Variants in ADCY8 observed in about 807,000 individuals in gnomAD.
The protein encoded by ADCY8 is adenylate cyclase 8.
ADCY8 carries 51 observed loss-of-function variants against 119.7 expected under a neutral mutation model. The ratio of observed to expected loss-of-function variants is 0.43; its 90% CI spans 0.34 to 0.54. The LOEUF is 0.54. Among genes scored for constraint, ADCY8 ranks in the 20% least tolerant of loss-of-function variants. The pLI is 0.03. For missense variants in ADCY8, 1,383 were observed against 1,598.8 expected (o/e 0.87, Z 2.30); for synonymous variants, 665 against 651.0 (o/e 1.02, Z -0.33).
chr8:130,979,272 T>A (rs1367247283), intron 2 of ADCY8, among the ~76,000 whole-genome samples: 1 of 152,174 alleles, frequency 6.6e-6, no homozygotes, highest in Non-Finnish European at 1.5e-5. Flanking sequence ...CATGGGCTAC[T>A]GGGTCTTTTC....
chr8:130,833,442 C>T (rs1816898148), intron 12 of ADCY8, among the ~76,000 whole-genome samples: 1 of 152,190 alleles, frequency 6.6e-6, no homozygotes, highest in East Asian at 1.9e-4. Flanking sequence ...CTGCAATGAA[C>T]ATGAGAGAGC....
intron 8 of ADCY8, among the ~76,000 whole-genome samples, chr8:130,877,924 G>A (rs7842798): frequency 0.58 from 87,605 of 151,934 alleles, 25,795 homozygotes; most frequent in African/African-American, 0.7. Flanking sequence ...GATACAAGAC[G>A]CATTAAGATT....
intron 5 of ADCY8, among the ~76,000 whole-genome samples, chr8:130,922,381 G>A (rs915230908): frequency 6.6e-6 from 1 of 151,368 alleles, no homozygotes; most frequent in Non-Finnish European, 1.5e-5. Flanking sequence ...TGTGTCCCTG[G>A]GTACTTGAGA....
At chr8:130,983,527 C>T (rs920277942) in intron 2 of ADCY8, among the ~76,000 whole-genome samples, 39 of 152,202 alleles carry the variant, frequency 2.6e-4, no homozygotes, top group African/African-American at 9.2e-4. Flanking sequence ...AAGGCATAGA[C>T]GTGCGGGGCA....
chr8:130,780,861 T>G lies in ADCY8; in HGVS notation c.3285A>C (p.Ser1095=), dbSNP rs1263145908. ...TAGCGCCGATAACGCCAGCTACCAC[T>G]GAGCCGTGGCTGATGCCTGGGGGGT... ...FELRIGISHG[S]VVAGVIGAKK... Residue 1095 remains serine, a synonymous_variant, in exon 18 of 18, where the codon TCA becomes TCC. Coordinates refer to ENST00000286355, the MANE Select transcript of ADCY8 (RefSeq NM_001115.3). 6.2e-7 allele frequency: 1 copy of G among 1,613,778 alleles called. No homozygotes were observed. Among genetic ancestry groups the G allele is most frequent in the South Asian group, 1.1e-5 (1 of 91,056 alleles).
intron 5 of ADCY8, among the ~76,000 whole-genome samples, chr8:130,931,182 T>C (rs1312720051): frequency 6.6e-6 from 1 of 152,170 alleles, no homozygotes; most frequent in Non-Finnish European, 1.5e-5. Flanking sequence ...CTCCCTTCAT[T>C]TCTAAAGGAC....
chr8:130,905,952 C>T (rs572317377), intron 6 of ADCY8, among the ~76,000 whole-genome samples: 1 of 152,218 alleles, frequency 6.6e-6, no homozygotes, highest in African/African-American at 2.4e-5. Context: ...ACCCATTCTG[C>T]TAAATCCCTC....
At chr8:130,831,781 A>G (rs926868348) in intron 12 of ADCY8, among the ~76,000 whole-genome samples, 2 of 152,170 alleles carry the variant, frequency 1.3e-5, no homozygotes, top group African/African-American at 4.8e-5. Context: ...GGGAATTGAG[A>G]GTGGAGTTTA....
chr8:130,861,758 TG>T (rs1363815454), intron 9 of ADCY8, among the ~76,000 whole-genome samples: 2 of 151,982 alleles, frequency 1.3e-5, no homozygotes, highest in Non-Finnish European at 2.9e-5. Flanking sequence ...TTTCTGATAT[TG>T]GGGGGAAGCT....
At chr8:130,873,773 C>A (rs999516405) in intron 8 of ADCY8, among the ~76,000 whole-genome samples, 4 of 152,020 alleles carry the variant, frequency 2.6e-5, no homozygotes, top group Non-Finnish European at 4.4e-5. Context: ...TGAATATTTC[C>A]AGTGTTGGGG....
intron 1 of ADCY8, among the ~76,000 whole-genome samples, chr8:130,997,918 G>T (rs1401305462): frequency 1.3e-5 from 2 of 152,116 alleles, no homozygotes; most frequent in Admixed American, 6.5e-5. Flanking sequence ...GATGTGCTAG[G>T]TGTGATATAC....
At chr8:130,957,362 G>T (rs913473991) in intron 2 of ADCY8, among the ~76,000 whole-genome samples, 1 of 152,162 alleles carries the variant, frequency 6.6e-6, no homozygotes, top group African/African-American at 2.4e-5. Flanking sequence ...GGTATCTAAG[G>T]GAAGAAATTT....
chr8:130,873,371 T>C lies in ADCY8; in HGVS notation c.2110-5425A>G, dbSNP rs533431132. On this transcript the variant is annotated intron_variant, in intron 8 of 17. Coordinates refer to ENST00000286355, the MANE Select transcript of ADCY8 (RefSeq NM_001115.3). ...TTCACTCTTCTTGCCCAGGCTGCAA[T>C]GCAATGGTGTGATCTCGGCTCAGCG... is the stretch of plus-strand genomic sequence containing the variant. Among the ~76,000 whole-genome samples, 32 of 152,250 alleles carry C rather than the reference T, an allele frequency of 2.1e-4. No individual in the cohort carries two copies. In the South Asian group the frequency reaches 2.5e-3, roughly 12 times the overall value.
intron 3 of ADCY8, among the ~76,000 whole-genome samples, chr8:130,950,751 G>A (rs1821244963): frequency 6.6e-6 from 1 of 152,132 alleles, no homozygotes; most frequent in Non-Finnish European, 1.5e-5. Context: ...CCAGGCTGGA[G>A]TTCAGTGGTG....
chr8:131,006,077 T>G (rs1001145115), intron 1 of ADCY8, among the ~76,000 whole-genome samples: 1 of 151,918 alleles, frequency 6.6e-6, no homozygotes, highest in Non-Finnish European at 1.5e-5. Flanking sequence ...CACACACAAC[T>G]ACTTCCTCAG....
chr8:130,853,577 GT>G (rs5742176), intron 9 of ADCY8, among the ~76,000 whole-genome samples: 3,242 of 147,470 alleles, frequency 0.022, 61 homozygotes, highest in African/African-American at 0.044. Flanking sequence ...TAAAATTGAT[GT>G]TTTTTTTTTT....
intron 2 of ADCY8, among the ~76,000 whole-genome samples, chr8:130,975,457 G>C (rs780211867): frequency 6.6e-6 from 1 of 152,162 alleles, no homozygotes; most frequent in Non-Finnish European, 1.5e-5. Flanking sequence ...GCAGGAGCAA[G>C]AAACTCCCAA....
chr8:131,040,197 G>T lies in ADCY8; in HGVS notation c.137C>A (p.Thr46Lys). The T allele has an allele frequency of 2.6e-6, 4 of 1,535,984 alleles. No individual in the cohort carries two copies. The highest frequency in any genetic ancestry group is 3.5e-6 in the Non-Finnish European group (4 of 1,147,410). Residue 46 changes from threonine (T) to lysine (K), a missense_variant, in exon 1 of 18, where the codon ACG (threonine) becomes AAG (lysine). Around this residue, in one of 2 missense-constraint regions of ADCY8, gnomAD observed 455 missense variants for 435.3 expected, o/e 1.05. Transcript: ENST00000286355. ...GTGCCCGTGAATGAAGCGCTGCTCC[G>T]TGATGTGTCGCACCGCCGTCTGCCA... The part of the protein sequence containing the change: ...LLWQTAVRHI[T>K]EQRFIHGHRG...
intron 1 of ADCY8, among the ~76,000 whole-genome samples, chr8:131,035,046 CTTTA>C (rs1485336667): frequency 5.3e-5 from 8 of 152,090 alleles, no homozygotes; most frequent in Admixed American, 2.6e-4. Context: ...ATCATCAATC[CTTTA>C]TTTATACATA....
Sources: gnomAD v4.1 joint callset for allele counts (sites outside exome capture counted in the v4.1 genomes callset) on GRCh38, gnomAD v4.1.1 for gene constraint, gnomAD v4.1.1 regional missense constraint, MANE v1.5 for transcripts, NCBI Gene and HGNC (gene_info 2026-07-23, HGNC 2026-07-21) for gene names.